NRXN3: variants seen among roughly 807,000 people sequenced by gnomAD.
NRXN3 encodes the protein neurexin 3, also known as neurexin III.
NRXN3 carries 32 observed loss-of-function variants against 137.6 expected under a neutral mutation model. That is an observed-to-expected ratio of 0.23 (90% CI 0.18 to 0.31). The LOEUF (loss-of-function observed/expected upper bound fraction) is 0.31, where lower values mean the gene tolerates loss of function less well. Ranked by LOEUF, NRXN3 falls within the 10% of genes least tolerant of loss-of-function variation. The probability of loss-of-function intolerance (pLI) is 1.00; values close to 1 mark genes in which losing one functional copy is unlikely to be tolerated. For synonymous variants in NRXN3, 798 were observed against 784.5 expected (o/e 1.02, Z -0.29); for missense variants, 1,574 against 2,062.5 (o/e 0.76, Z 4.59).
intron 4 of NRXN3, among the ~76,000 whole-genome samples, chr14:78,582,019 C>G (rs967779559): frequency 6.6e-6 from 1 of 152,166 alleles, no homozygotes; most frequent in Admixed American, 6.6e-5. Flanking sequence ...TATTAATTTT[C>G]GCATCATCCT....
At chr14:79,199,593 A>G (rs1270595521) in intron 15 of NRXN3, among the ~76,000 whole-genome samples, 2 of 152,238 alleles carry the variant, frequency 1.3e-5, no homozygotes, top group Admixed American at 1.3e-4. Flanking sequence ...AGAAAAAAGC[A>G]AGTGACCATT....
chr14:79,569,630 T>TGTGTGTGTGAGAGA (rs775452045), intron 16 of NRXN3, among the ~76,000 whole-genome samples: 5 of 135,778 alleles, frequency 3.7e-5, no homozygotes, highest in Middle Eastern at 7.8e-3. Context: ...TGTGTGTGTG[T>TGTGTGTGTGAGAGA]GAGAGAGAGA....
chr14:79,158,867 G>A (rs774787898), intron 15 of NRXN3, among the ~76,000 whole-genome samples: 3 of 151,722 alleles, frequency 2.0e-5, no homozygotes, highest in Admixed American at 6.6e-5. Context: ...GAGGTTTTAA[G>A]ATTAGGAAAC....
At chr14:79,791,866 C>T (rs1202791486) in intron 19 of NRXN3, among the ~76,000 whole-genome samples, 2 of 152,140 alleles carry the variant, frequency 1.3e-5, no homozygotes, top group Non-Finnish European at 2.9e-5. Flanking sequence ...TTGGTTAGGC[C>T]GGTCACATTG....
At chr14:79,490,783 A>G (rs2096709483) in intron 16 of NRXN3, among the ~76,000 whole-genome samples, 1 of 152,118 alleles carries the variant, frequency 6.6e-6, no homozygotes, top group South Asian at 2.1e-4. Flanking sequence ...GTCGATAATA[A>G]CTCATCTGTA....
intron 15 of NRXN3, among the ~76,000 whole-genome samples, chr14:79,465,178 C>T (rs1481580591): frequency 1.3e-5 from 2 of 152,074 alleles, no homozygotes; most frequent in East Asian, 3.9e-4. Flanking sequence ...CATTTGTAAC[C>T]ATCTACAGAG....
intron 16 of NRXN3, among the ~76,000 whole-genome samples, chr14:79,516,788 TTC>T (rs1334845392): frequency 1.3e-5 from 2 of 152,228 alleles, no homozygotes; most frequent in African/African-American, 2.4e-5. Flanking sequence ...CTCGCTTTTC[TTC>T]TCTTTTAATA....
intron 16 of NRXN3, chr14:79,633,153 C>G (rs1010671707): frequency 1.3e-5 from 2 of 152,174 alleles, no homozygotes; most frequent in African/African-American, 4.8e-5. Flanking sequence ...CCCGTGGTAT[C>G]ATTGCCCCAG....
rs937446318 is a variant in NRXN3 at position 78,968,408 on chromosome 14, GC to G, written c.3142+64del. 9.9e-6 allele frequency: 15 copies of G among 1,512,590 alleles called. No individual in the cohort carries two copies. The Admixed American group carries it at 2.7e-4, about 27-fold the overall frequency. The allele number at this position is 1,512,590 out of a possible 1,614,324, so 93.7% of individuals were successfully genotyped here. A position where few individuals can be genotyped will look rare whatever the true frequency, so the allele number is the denominator to read the frequency against. On this transcript the variant is annotated intron_variant, in intron 14 of 20. Transcript: ENST00000335750. ...GTTGCAAGCACCAAGCCTCTTTGCT[GC>G]CTCTGCCACTGCCTCCTTCCTCAGT...
At chr14:79,845,599 AGAGACAGAGAGAGAGACG>A (rs2099365729) in intron 20 of NRXN3, among the ~76,000 whole-genome samples, 1 of 147,072 alleles carries the variant, frequency 6.8e-6, no homozygotes, top group African/African-American at 2.5e-5. Flanking sequence ...AGAGAGAGAG[AGAGACAGAGAGAGAGACG>A]GAGACGGGGA....
chr14:79,123,249 A>G (rs779970879), intron 15 of NRXN3, among the ~76,000 whole-genome samples: 41 of 151,320 alleles, frequency 2.7e-4, no homozygotes, highest in Non-Finnish European at 5.8e-4. Context: ...GCGTGCGCGC[A>G]CACACACACA....
chr14:78,390,859 G>T (rs965343523), intron 4 of NRXN3, among the ~76,000 whole-genome samples: 1 of 152,122 alleles, frequency 6.6e-6, no homozygotes, highest in African/African-American at 2.4e-5. Context: ...TGCCATGGTG[G>T]TTTGCTGCAC....
intron 1 of NRXN3, among the ~76,000 whole-genome samples, chr14:78,239,711 CT>C (rs113291311): frequency 2.6e-5 from 4 of 151,434 alleles, no homozygotes; most frequent in Non-Finnish European, 5.9e-5. Flanking sequence ...TTCTTTCTTT[CT>C]TTTTTTTTGA....
chr14:78,602,669 G>A (rs2097211905), intron 4 of NRXN3, among the ~76,000 whole-genome samples: 1 of 152,156 alleles, frequency 6.6e-6, no homozygotes, highest in Admixed American at 6.5e-5. Context: ...AGGGGTTGAA[G>A]CCCAGCTAGA....
chr14:78,250,297 A>G (rs1011905289), intron 2 of NRXN3, among the ~76,000 whole-genome samples: 5 of 152,206 alleles, frequency 3.3e-5, no homozygotes, highest in Admixed American at 6.5e-5. Context: ...GAGATAAAAC[A>G]TGAAGTTATC....
chr14:78,547,583 A>C (rs2096648764), intron 4 of NRXN3, among the ~76,000 whole-genome samples: 1 of 152,086 alleles, frequency 6.6e-6, no homozygotes, highest in Non-Finnish European at 1.5e-5. Context: ...TGCCATGTTC[A>C]TACTAATTAC....
At chr14:78,969,371 C>A (rs986968763) in intron 14 of NRXN3, among the ~76,000 whole-genome samples, 2 of 152,190 alleles carry the variant, frequency 1.3e-5, no homozygotes, top group Non-Finnish European at 2.9e-5. Context: ...TGGCTGAAAA[C>A]GTGACTGTTA....
intron 15 of NRXN3, among the ~76,000 whole-genome samples, chr14:79,383,110 T>C (rs2094515975): frequency 6.6e-6 from 1 of 152,124 alleles, no homozygotes. Context: ...TTCTTCTATT[T>C]CTACTGTGAG....
At chr14:79,562,147 C>T (rs1346582966) in intron 16 of NRXN3, among the ~76,000 whole-genome samples, 5 of 152,120 alleles carry the variant, frequency 3.3e-5, no homozygotes, top group African/African-American at 1.2e-4. Flanking sequence ...ATATACCCCC[C>T]ATTTCAGAAT....
Sources: gnomAD v4.1 joint callset for allele counts (sites outside exome capture counted in the v4.1 genomes callset) on GRCh38, gnomAD v4.1.1 for gene constraint, MANE v1.5 for transcripts, NCBI Gene and HGNC (gene_info 2026-07-23, HGNC 2026-07-21) for gene names.